FOXP2: variants seen among roughly 807,000 people sequenced by gnomAD.
FOXP2 encodes forkhead box protein P2.
In FOXP2, 12 loss-of-function variants were observed where a neutral mutation model predicts 115.8. The observed-to-expected ratio is 0.10, with a 90% CI of 0.07 to 0.17. The LOEUF is 0.17. Among genes scored for constraint, FOXP2 ranks in the 10% least tolerant of loss-of-function variants. FOXP2 has a pLI of 1.00. For missense variants in FOXP2, 629 were observed against 843.5 expected (o/e 0.75, Z 3.15); for synonymous variants, 328 against 297.7 (o/e 1.10, Z -1.05).
intron 2 of FOXP2, among the ~76,000 whole-genome samples, chr7:114,408,826 T>C (rs1013709104): frequency 2.6e-5 from 4 of 152,166 alleles, no homozygotes; most frequent in Non-Finnish European, 5.9e-5. Context: ...AAGAAAGTAC[T>C]TGGTACTTGT....
intron 2 of FOXP2, among the ~76,000 whole-genome samples, chr7:114,490,418 G>T (rs1261776049): frequency 6.6e-6 from 1 of 152,160 alleles, no homozygotes; most frequent in African/African-American, 2.4e-5. Context: ...CAGGGAGGTA[G>T]GGATGTATAG....
chr7:114,169,143 C>T (rs185633321), intron 1 of FOXP2, among the ~76,000 whole-genome samples: 1,459 of 103,512 alleles, frequency 0.014, 32 homozygotes, highest in African/African-American at 0.047. Context: ...CACACAGAGT[C>T]CCTACTGGTG....
At chr7:114,552,300 G>A (rs906797430) in intron 3 of FOXP2, among the ~76,000 whole-genome samples, 3 of 152,090 alleles carry the variant, frequency 2.0e-5, no homozygotes, top group African/African-American at 7.2e-5. Context: ...TTTGGGAGAG[G>A]CACTGGGTTC....
chr7:114,669,033 A>G (rs577532233), intron 16 of FOXP2: 2 of 152,134 alleles, frequency 1.3e-5, no homozygotes, highest in South Asian at 2.1e-4. Context: ...TTGGTAGACT[A>G]TACTTTTTAA....
At chr7:114,361,089 A>G (rs1007654313) in intron 2 of FOXP2, among the ~76,000 whole-genome samples, 1 of 152,142 alleles carries the variant, frequency 6.6e-6, no homozygotes, top group African/African-American at 2.4e-5. Context: ...ATTATTTTCT[A>G]TTCCTCTAGT....
At chr7:114,655,864 G>T (rs958824299) in intron 10 of FOXP2, among the ~76,000 whole-genome samples, 1 of 152,062 alleles carries the variant, frequency 6.6e-6, no homozygotes, top group Non-Finnish European at 1.5e-5. Context: ...TTCATTAAAT[G>T]GTACCTTTTG....
chr7:114,600,555 G>T (rs1420606978), intron 3 of FOXP2, among the ~76,000 whole-genome samples: 1 of 152,142 alleles, frequency 6.6e-6, no homozygotes, highest in Non-Finnish European at 1.5e-5. Flanking sequence ...GGATCATATG[G>T]TAAGACTATG....
rs1442774238 is a variant in FOXP2, at chr7:114,692,417, A to G, written c.*2491A>G. 4.4e-6 allele frequency: 2 copies of G among 450,166 alleles called. No homozygotes were observed. The highest frequency in any genetic ancestry group is 1.4e-4 in the East Asian group (2 of 14,382). 27.9% of individuals were successfully genotyped at this position (450,166 alleles called of 1,614,324 possible). On this transcript the variant is annotated 3_prime_UTR_variant, in exon 17 of 17. Transcript: ENST00000350908. ...AAAACTGCAATTGCTTTGAAAATAG[A>G]TTTTAGGTTTTTTGGAGTTTCCTGA...
intron 3 of FOXP2, among the ~76,000 whole-genome samples, chr7:114,600,595 C>A (rs1802966860): frequency 6.6e-6 from 1 of 152,146 alleles, no homozygotes; most frequent in South Asian, 2.1e-4. Context: ...GCCAAATTAT[C>A]TTCTATAGTA....
chr7:114,504,831 C>T (rs1053745915), intron 2 of FOXP2, among the ~76,000 whole-genome samples: 24 of 151,578 alleles, frequency 1.6e-4, no homozygotes, highest in African/African-American at 5.8e-4. Flanking sequence ...TTCCCTATCA[C>T]ATAGAGATTA....
At chr7:114,142,184 A>G (rs1792233730) in intron 1 of FOXP2, among the ~76,000 whole-genome samples, 2 of 152,072 alleles carry the variant, frequency 1.3e-5, no homozygotes, top group African/African-American at 2.4e-5. Flanking sequence ...CACCACGTCC[A>G]GCCAGTTTTT....
upstream of FOXP2, among the ~76,000 whole-genome samples, chr7:114,410,013 C>T (rs181717058): frequency 4.6e-3 from 699 of 152,172 alleles, 3 homozygotes; most frequent in South Asian, 0.018. Flanking sequence ...TTTTGCTTCA[C>T]TTTTTCTGGA....
intron 2 of FOXP2, among the ~76,000 whole-genome samples, chr7:114,294,859 A>T (rs146595373): frequency 1.3e-5 from 2 of 150,168 alleles, no homozygotes; most frequent in African/African-American, 2.5e-5. Flanking sequence ...TAAATAAATA[A>T]ATAAATACAT....
intron 1 of FOXP2, among the ~76,000 whole-genome samples, chr7:114,226,475 C>T (rs1182175521): frequency 6.6e-6 from 1 of 152,094 alleles, no homozygotes; most frequent in Non-Finnish European, 1.5e-5. Flanking sequence ...CATTTGGCAC[C>T]CTTCTATACA....
chr7:114,166,076 A>G (rs1792973913), intron 1 of FOXP2, among the ~76,000 whole-genome samples: 1 of 152,184 alleles, frequency 6.6e-6, no homozygotes, highest in Non-Finnish European at 1.5e-5. Context: ...AAGTTAATCT[A>G]GACGACCTTA....
intron 1 of FOXP2, among the ~76,000 whole-genome samples, chr7:114,206,973 C>A (rs1270867540): frequency 6.6e-6 from 1 of 152,174 alleles, no homozygotes; most frequent in African/African-American, 2.4e-5. Context: ...ACTACCTCCC[C>A]CTACTCTGTA....
At chr7:114,685,962 A>T (rs1159682813) in intron 16 of FOXP2, among the ~76,000 whole-genome samples, 1 of 151,948 alleles carries the variant, frequency 6.6e-6, no homozygotes, top group Non-Finnish European at 1.5e-5. Flanking sequence ...ATCAAGAGGA[A>T]AACCGGTGTT....
intron 1 of FOXP2, among the ~76,000 whole-genome samples, chr7:114,425,661 T>C (rs188254815): frequency 6.6e-6 from 1 of 151,838 alleles, no homozygotes; most frequent in African/African-American, 2.4e-5. Flanking sequence ...TGATAGATTT[T>C]ATTTCCAGCT....
At chr7:114,393,632 G>A (rs1193599361) in intron 2 of FOXP2, among the ~76,000 whole-genome samples, 3 of 151,950 alleles carry the variant, frequency 2.0e-5, no homozygotes, top group Non-Finnish European at 4.4e-5. Flanking sequence ...GGGATACAGA[G>A]TGTCAGAGCC....
Sources: gnomAD v4.1 joint callset for allele counts (sites outside exome capture counted in the v4.1 genomes callset) on GRCh38, gnomAD v4.1.1 for gene constraint, MANE v1.5 for transcripts, NCBI Gene and HGNC (gene_info 2026-07-23, HGNC 2026-07-21) for gene names.